The following PTBP2 variants were observed in gnomAD, a reference collection of about 807,000 sequenced individuals.
The protein encoded by PTBP2 is polypyrimidine tract-binding protein 2.
In PTBP2, 13 loss-of-function variants were observed where a neutral mutation model predicts 61.4. That is an observed-to-expected ratio of 0.21 (90% CI 0.14 to 0.34). The LOEUF is 0.34. PTBP2 is among the 10% of genes least tolerant of loss of function. The pLI, the probability that PTBP2 is intolerant of heterozygous loss-of-function variation, is 1.00. For missense variants in PTBP2, 405 were observed against 642.6 expected, an observed-to-expected ratio of 0.63 and a Z score of 4.00; for synonymous variants, 215 against 218.5, an observed-to-expected ratio of 0.98 and a Z score of 0.14.
rs184799727 is a variant in PTBP2, at chr1:96,765,899, A to T, written c.116-3804A>T. ...GTATCAAATGAGTCGGGAAATTAGA[A>T]AAGTAGAAATTGAAGTTTTTAGGGG... On this transcript the variant is annotated intron_variant, in intron 3 of 13. Coordinates refer to ENST00000674951, the MANE Select transcript of PTBP2 (RefSeq NM_021190.4). Among the ~76,000 whole-genome samples the T allele has an allele frequency of 2.0e-5, 3 of 152,320 alleles. No individual in the cohort carries two copies. In the East Asian group the frequency reaches 5.8e-4, roughly 29 times the overall value.
intron 3 of PTBP2, among the ~76,000 whole-genome samples, chr1:96,765,708 T>TTAGATAGATAGATAGA (rs34315705): frequency 0.01 from 1,542 of 147,372 alleles, 6 homozygotes; most frequent in East Asian, 0.023. Flanking sequence ...AGACTCTGTC[T>TTAGATAGATAGATAGA]TAGATAGATA....
At chr1:96,787,464 C>G (rs1659335915) in intron 8 of PTBP2, among the ~76,000 whole-genome samples, 1 of 152,168 alleles carries the variant, frequency 6.6e-6, no homozygotes, top group African/African-American at 2.4e-5. Flanking sequence ...GTTTCTTCAT[C>G]TCTGCCTCAT....
chr1:96,807,949 T>C (rs967355610), intron 11 of PTBP2, among the ~76,000 whole-genome samples: 6 of 152,202 alleles, frequency 3.9e-5, no homozygotes, highest in Non-Finnish European at 5.9e-5. Flanking sequence ...TGCACTTCTG[T>C]ACTCTGGTTG....
At chr1:96,779,682 A>G (rs1570920781) in intron 7 of PTBP2, among the ~76,000 whole-genome samples, 1 of 152,084 alleles carries the variant, frequency 6.6e-6, no homozygotes, top group South Asian at 2.1e-4. Flanking sequence ...TTTACTAAGT[A>G]CTTATTCTGG....
chr1:96,817,643 ATTAG>A (rs1187494905), downstream of PTBP2: 1 of 152,104 alleles, frequency 6.6e-6, no homozygotes, highest in Non-Finnish European at 1.5e-5. Context: ...GTAATTATAT[ATTAG>A]TTGAAAGAAA....
chr1:96,793,874 C>T (rs1660101344), intron 8 of PTBP2, among the ~76,000 whole-genome samples: 2 of 152,098 alleles, frequency 1.3e-5, no homozygotes, highest in South Asian at 2.1e-4. Flanking sequence ...GAAGGTATTA[C>T]GGGCTACAGA....
intron 3 of PTBP2, among the ~76,000 whole-genome samples, chr1:96,756,232 C>G (rs533673989): frequency 6.6e-6 from 1 of 152,264 alleles, no homozygotes; most frequent in African/African-American, 2.4e-5. Flanking sequence ...AACCCGATCT[C>G]TACTAAAAAA....
chr1:96,749,072 T>G (rs1654201636), intron 2 of PTBP2, among the ~76,000 whole-genome samples: 1 of 152,064 alleles, frequency 6.6e-6, no homozygotes, highest in Non-Finnish European at 1.5e-5. Flanking sequence ...ATGAAATCAT[T>G]TGAGGAAGAA....
At chr1:96,740,626 T>A (rs1417422031) in intron 2 of PTBP2, among the ~76,000 whole-genome samples, 1 of 152,208 alleles carries the variant, frequency 6.6e-6, no homozygotes, top group Admixed American at 6.5e-5. Context: ...CTAAATTTGA[T>A]GTTTACCATT....
At position 96,777,800 on chromosome 1, in the gene PTBP2, TA is replaced by T. The variant is rs571213086; in HGVS notation, c.598-33del. On this transcript the variant is annotated intron_variant, in intron 6 of 13. Coordinates refer to ENST00000674951, the MANE Select transcript of PTBP2 (RefSeq NM_021190.4). ...ATAAATTAGAGAAATAATAATATAG[TA>T]AATAAGTAATGTTTTGATTTTAATG... is the stretch of plus-strand genomic sequence containing the variant. 2,849 of 1,531,426 alleles carry T rather than the reference TA, an allele frequency of 1.9e-3. 10 individuals carry two copies. The highest frequency in any genetic ancestry group is 2.3e-3 in the Non-Finnish European group (2,626 of 1,125,650). 94.9% of individuals were successfully genotyped at this position (1,531,426 alleles called of 1,614,324 possible). A position where few individuals can be genotyped will look rare whatever the true frequency, so the allele number is the denominator to read the frequency against.
At chr1:96,807,217 G>A (rs1199614407) in intron 11 of PTBP2, among the ~76,000 whole-genome samples, 1 of 152,078 alleles carries the variant, frequency 6.6e-6, no homozygotes, top group Non-Finnish European at 1.5e-5. Context: ...TTTCACATGA[G>A]AATTATATCA....
At chr1:96,769,434 G>A (rs1040834312) in intron 3 of PTBP2, among the ~76,000 whole-genome samples, 2 of 151,902 alleles carry the variant, frequency 1.3e-5, no homozygotes, top group African/African-American at 4.8e-5. Context: ...ACATTTTAAT[G>A]TTGTTGCTTA....
Position 96,788,316 on chromosome 1 carries a change from A to G in PTBP2, c.904+3062A>G, listed in dbSNP as rs530918285. 1.3e-3 allele frequency among the ~76,000 whole-genome samples: 197 copies of G among 152,218 alleles called. 1 individual carries two copies. In the Middle Eastern group the frequency reaches 0.02, roughly 16 times the overall value. On this transcript the variant is annotated intron_variant, in intron 8 of 13. Transcript: ENST00000674951. Reference sequence around the variant, plus strand: ...TCAGTTTTTGGAAAAGTATTTTTCAATAATCTCTCTTTTTAAATAATTGAT... The same window carrying G: ...TCAGTTTTTGGAAAAGTATTTTTCAGTAATCTCTCTTTTTAAATAATTGAT...
intron 8 of PTBP2, among the ~76,000 whole-genome samples, chr1:96,787,384 C>T (rs575000274): frequency 7.2e-5 from 11 of 152,198 alleles, no homozygotes; most frequent in Non-Finnish European, 1.6e-4. Context: ...TTAAGTTGCT[C>T]GCTTTGCCAA....
At chr1:96,743,233 C>A (rs538393774) in intron 2 of PTBP2, among the ~76,000 whole-genome samples, 1 of 150,230 alleles carries the variant, frequency 6.7e-6, no homozygotes, top group African/African-American at 2.5e-5. Context: ...CTTGCAGTGG[C>A]GCCACTGGAC....
At chr1:96,760,396 TTTAA>T (rs1655669098) in intron 3 of PTBP2, among the ~76,000 whole-genome samples, 1 of 151,818 alleles carries the variant, frequency 6.6e-6, no homozygotes, top group Non-Finnish European at 1.5e-5. Flanking sequence ...TGGAACTGTC[TTTAA>T]TTACTGCTGA....
intron 3 of PTBP2, among the ~76,000 whole-genome samples, chr1:96,756,993 A>T (rs985586780): frequency 6.6e-5 from 10 of 152,042 alleles, no homozygotes; most frequent in Non-Finnish European, 1.0e-4. Context: ...CTGGTGGGAG[A>T]TGTTGATAAA....
At chr1:96,757,347 A>G (rs1473369258) in intron 3 of PTBP2, among the ~76,000 whole-genome samples, 1 of 152,230 alleles carries the variant, frequency 6.6e-6, no homozygotes, top group East Asian at 1.9e-4. Flanking sequence ...GACAAATATT[A>G]CCAGATATAA....
chr1:96,804,965 A>G (rs764883547), intron 9 of PTBP2, 26 bp downstream of exon 9: 2 of 1,504,682 alleles, frequency 1.3e-6, no homozygotes, highest in South Asian at 1.3e-5. Flanking sequence ...TCTAATGTTT[A>G]TTCTTTAACT....
Sources: allele counts gnomAD v4.1 joint callset (sites outside exome capture counted in the v4.1 genomes callset), GRCh38; gene constraint gnomAD v4.1.1; transcripts MANE v1.5; gene names NCBI Gene and HGNC (gene_info 2026-07-23, HGNC 2026-07-21).